NFIC: variants seen among roughly 807,000 people sequenced by gnomAD.
The protein encoded by NFIC is nuclear factor 1 C-type.
Under a neutral mutation model 54.4 loss-of-function variants are expected in NFIC, and 12 were observed. That is an observed-to-expected ratio of 0.22 (90% CI 0.14 to 0.36). The LOEUF is 0.36. Among genes scored for constraint, NFIC ranks in the 10% least tolerant of loss-of-function variants. The pLI is 1.00. For synonymous variants in NFIC, 322 were observed against 319.2 expected, an observed-to-expected ratio of 1.01 and a Z score of -0.09; for missense variants, 575 against 718.2, an observed-to-expected ratio of 0.80 and a Z score of 2.28.
At chr19:3,364,882 T>C (rs1490744951), upstream of NFIC, among the ~76,000 whole-genome samples, 2 of 152,190 alleles carry the variant, frequency 1.3e-5, no homozygotes, top group East Asian at 3.8e-4. Context: ...TTTAATAAAA[T>C]AAATTGCTTC....
At chr19:3,409,608 G>A (rs1192160233) in intron 2 of NFIC, among the ~76,000 whole-genome samples, 1 of 152,162 alleles carries the variant, frequency 6.6e-6, no homozygotes, top group Non-Finnish European at 1.5e-5. Flanking sequence ...GCTTCAGCCA[G>A]CGGACGCAGG....
intron 6 of NFIC, among the ~76,000 whole-genome samples, chr19:3,437,906 GACCTCAAGTGATCCGCCA>G (rs898528906): frequency 2.5e-4 from 38 of 152,074 alleles, no homozygotes; most frequent in East Asian, 1.2e-3. Context: ...TTGAACTCCT[GACCTCAAGTGATCCGCCA>G]ACCTCAAGTG....
At chr19:3,404,733 G>C (rs2081616310) in intron 2 of NFIC, among the ~76,000 whole-genome samples, 1 of 152,232 alleles carries the variant, frequency 6.6e-6, no homozygotes, top group African/African-American at 2.4e-5. Context: ...ATGGCCGCCA[G>C]AGGGATGATG....
At chr19:3,366,535 G>GC, upstream of NFIC, 6 of 100,032 alleles carry the variant, frequency 6.0e-5, no homozygotes, top group Non-Finnish European at 7.3e-5. Context: ...GCCGCGGGGC[G>GC]GGGGGGGGGG....
intron 2 of NFIC, among the ~76,000 whole-genome samples, chr19:3,410,083 C>G (rs891047665): frequency 6.6e-6 from 1 of 151,830 alleles, no homozygotes; most frequent in African/African-American, 2.4e-5. Context: ...CTCCTTTGCA[C>G]AGGCTGGAGT....
upstream of NFIC, chr19:3,366,534 CGGGGGGGGGGGTTGG>C (rs1378232589): frequency 8.3e-6 from 3 of 361,528 alleles, no homozygotes; most frequent in Admixed American, 9.8e-5. Flanking sequence ...GGCCGCGGGG[CGGGGGGGGGGGTTGG>C]GGGGGGCGGG....
At chr19:3,383,081 C>G (rs895112299) in intron 2 of NFIC, among the ~76,000 whole-genome samples, 1 of 152,022 alleles carries the variant, frequency 6.6e-6, no homozygotes, top group Non-Finnish European at 1.5e-5. Flanking sequence ...GCACAACGGA[C>G]GGCCTTGCTG....
intron 2 of NFIC, among the ~76,000 whole-genome samples, chr19:3,422,791 G>T (rs138929619): frequency 6.6e-6 from 1 of 152,244 alleles, no homozygotes; most frequent in African/African-American, 2.4e-5. Flanking sequence ...TGGCTCAGGT[G>T]TCTGATCCCA....
chr19:3,436,133 T>TTG (rs1555679550), intron 6 of NFIC, among the ~76,000 whole-genome samples: 1 of 147,670 alleles, frequency 6.8e-6, no homozygotes, highest in African/African-American at 2.5e-5. Flanking sequence ...CGGCCTCTGT[T>TTG]TTTGTTTGTT....
At chr19:3,442,708 C>A (rs2082312468) in intron 6 of NFIC, among the ~76,000 whole-genome samples, 1 of 151,950 alleles carries the variant, frequency 6.6e-6, no homozygotes, top group Admixed American at 6.6e-5. Context: ...TTTTTTAACC[C>A]CAGGGTGGAG....
intron 2 of NFIC, among the ~76,000 whole-genome samples, chr19:3,423,845 C>T (rs1009353020): frequency 2.0e-5 from 3 of 152,018 alleles, no homozygotes; most frequent in Non-Finnish European, 2.9e-5. Flanking sequence ...GACTAACAGC[C>T]GGGTCCCTGG....
chr19:3,446,552 C>T (rs1046957394), intron 6 of NFIC, among the ~76,000 whole-genome samples: 1 of 152,214 alleles, frequency 6.6e-6, no homozygotes, highest in South Asian at 2.1e-4. Flanking sequence ...CGAAGGGAAG[C>T]TAAACTCATC....
rs965141898 is a variant in NFIC, at chr19:3,453,322, C to T, written c.1270-441C>T. Among the ~76,000 whole-genome samples the T allele has an allele frequency of 6.6e-6, 1 of 152,152 alleles. No homozygotes were observed. The highest frequency in any genetic ancestry group is 1.5e-5 in the Non-Finnish European group (1 of 68,030). ...ACCAAACTCAGTTCGAGCAAGACAG[C>T]GTTTGCCAGACTCCACAGGAAGCTT... On this transcript the variant is annotated intron_variant, in intron 8 of 10. Coordinates refer to ENST00000443272, the MANE Select transcript of NFIC (RefSeq NM_001245002.2). The surrounding 1 kb of genome is among the most constrained non-coding windows in gnomAD (Gnocchi z 6.7).
At chr19:3,446,123 C>A (rs2145666002) in intron 6 of NFIC, among the ~76,000 whole-genome samples, 1 of 152,306 alleles carries the variant, frequency 6.6e-6, no homozygotes, top group Middle Eastern at 3.4e-3. Context: ...ACTGCTCACA[C>A]CAGACACCAG....
rs2082340538 is a variant in NFIC, at chr19:3,444,446, T to A, written c.959-4568T>A. Among the ~76,000 whole-genome samples the A allele has an allele frequency of 2.0e-5, 3 of 152,310 alleles. No individual in the cohort carries two copies. In the South Asian group the frequency reaches 6.2e-4, roughly 32 times the overall value. On this transcript the variant is annotated intron_variant, in intron 6 of 10. Transcript: ENST00000443272. ...GCGGGGGACGCACATGCCCGCTGGC[T>A]GAACAGGGAGGTCCCACAGGGGTCC...
chr19:3,464,139 A>G lies in NFIC; in HGVS notation c.*1370A>G, dbSNP rs1253778988. 3.0e-6 allele frequency: 3 copies of G among 985,068 alleles called. No individual in the cohort carries two copies. The highest frequency in any genetic ancestry group is 1.7e-5 in the African/African-American group (1 of 57,170). 61.0% of individuals were successfully genotyped at this position (985,068 alleles called of 1,614,324 possible). ...GCGACCCCCCTCCCTGGTGCCTCCCAGCGAAGGGGGACCGCCGTTTGCACT... is the reference window on the plus strand; with the variant it reads ...GCGACCCCCCTCCCTGGTGCCTCCCGGCGAAGGGGGACCGCCGTTTGCACT... On this transcript the variant is annotated 3_prime_UTR_variant, in exon 11 of 11. Transcript: ENST00000443272.
upstream of NFIC, among the ~76,000 whole-genome samples, chr19:3,363,168 T>A (rs148907580): frequency 3.4e-3 from 506 of 150,140 alleles, 4 homozygotes; most frequent in African/African-American, 0.011. Flanking sequence ...TATATTTCCA[T>A]AAAGGATGTA....
At chr19:3,454,066 C>A in intron 9 of NFIC, 150 bp downstream of exon 9, 1 of 1,378,492 alleles carries the variant, frequency 7.3e-7, no homozygotes, top group Non-Finnish European at 9.3e-7. Context: ...CCAGTGGCCA[C>A]GTGGTTGGGC....
chr19:3,434,488 C>G, intron 5 of NFIC, 88 bp downstream of exon 5: 1 of 1,458,432 alleles, frequency 6.9e-7, no homozygotes, highest in Non-Finnish European at 9.1e-7. Context: ...ATTCCTCTCC[C>G]TGGAATACCT....
Sources: allele counts gnomAD v4.1 joint callset (sites outside exome capture counted in the v4.1 genomes callset), GRCh38; gene constraint gnomAD v4.1.1; non-coding constraint Gnocchi (gnomAD v3.1); transcripts MANE v1.5; gene names NCBI Gene and HGNC (gene_info 2026-07-23, HGNC 2026-07-21).